UBR2: variants seen among roughly 807,000 people sequenced by gnomAD.
UBR2 encodes E3 ubiquitin-protein ligase UBR2.
In UBR2, 92 loss-of-function variants were observed where a neutral mutation model predicts 247.9. The ratio of observed to expected loss-of-function variants is 0.37; its 90% confidence interval spans 0.31 to 0.44. The LOEUF is 0.44. Ranked by LOEUF, UBR2 falls within the 20% of genes least tolerant of loss-of-function variation. The pLI, the probability that UBR2 is intolerant of heterozygous loss-of-function variation, is 1.00. For missense variants in UBR2, 1,613 were observed against 2,112.6 expected, an observed-to-expected ratio of 0.76 and a Z score of 4.64; for synonymous variants, 672 against 693.5, an observed-to-expected ratio of 0.97 and a Z score of 0.49.
chr6:42,593,916 C>T (rs1468648244), intron 3 of UBR2, among the ~76,000 whole-genome samples: 1 of 152,152 alleles, frequency 6.6e-6, no homozygotes, highest in Non-Finnish European at 1.5e-5. Context: ...CAAGAAAACC[C>T]TTGTGATCCT....
chr6:42,682,939 G>C, intron 42 of UBR2, 116 bp from the exon 43 acceptor site: 1 of 812,964 alleles, frequency 1.2e-6, no homozygotes, highest in Non-Finnish European at 1.9e-6. Context: ...TTTTGATGAA[G>C]TAAATATGTT....
At chr6:42,578,865 AG>A (rs1397511303) in intron 2 of UBR2, among the ~76,000 whole-genome samples, 9 of 152,130 alleles carry the variant, frequency 5.9e-5, no homozygotes, top group African/African-American at 2.2e-4. Context: ...CAGGAGGCTG[AG>A]GCAGGGGAAT....
At chr6:42,660,306 G>A (rs1020536511) in intron 30 of UBR2, among the ~76,000 whole-genome samples, 10 of 152,036 alleles carry the variant, frequency 6.6e-5, no homozygotes, top group Admixed American at 2.0e-4. Flanking sequence ...ACCACAGATC[G>A]GGTTCCCCAG....
chr6:42,601,185 G>T (rs1014254980), intron 4 of UBR2, among the ~76,000 whole-genome samples: 2 of 152,112 alleles, frequency 1.3e-5, no homozygotes, highest in African/African-American at 4.8e-5. Flanking sequence ...TGACTGTTTG[G>T]TGAGATAATA....
chr6:42,630,910 G>T (rs1030834951), intron 11 of UBR2, among the ~76,000 whole-genome samples: 4 of 151,968 alleles, frequency 2.6e-5, no homozygotes, highest in African/African-American at 9.7e-5. Flanking sequence ...AGGCTCAGGT[G>T]ATTTTCCCAC....
At chr6:42,621,143 G>A (rs1443217568) in intron 11 of UBR2, among the ~76,000 whole-genome samples, 3 of 152,022 alleles carry the variant, frequency 2.0e-5, no homozygotes, top group East Asian at 1.9e-4. Flanking sequence ...ATTCTCCCAC[G>A]TTTTCTAAAA....
intron 2 of UBR2, among the ~76,000 whole-genome samples, chr6:42,585,758 A>G (rs942155138): frequency 2.0e-5 from 3 of 152,226 alleles, no homozygotes; most frequent in African/African-American, 7.2e-5. Flanking sequence ...TGTGGTGTCT[A>G]TAATGATGTC....
chr6:42,574,980 G>A (rs561358833), intron 2 of UBR2, among the ~76,000 whole-genome samples: 1 of 152,314 alleles, frequency 6.6e-6, no homozygotes, highest in East Asian at 1.9e-4. Flanking sequence ...TTACAGGCAT[G>A]AGCCACTGTA....
intron 43 of UBR2, among the ~76,000 whole-genome samples, chr6:42,683,759 C>T (rs766211369): frequency 7.2e-5 from 11 of 152,186 alleles, no homozygotes; most frequent in Non-Finnish European, 1.6e-4. Context: ...AGATACTCAA[C>T]CTGGATTAAC....
intron 22 of UBR2, among the ~76,000 whole-genome samples, chr6:42,648,995 G>A (rs545011475): frequency 6.6e-6 from 1 of 152,156 alleles, no homozygotes; most frequent in African/African-American, 2.4e-5. Flanking sequence ...AATATACTTT[G>A]TCAGTACATA....
chr6:42,645,916 G>A (rs766597841), intron 21 of UBR2, among the ~76,000 whole-genome samples: 9 of 152,088 alleles, frequency 5.9e-5, no homozygotes, highest in Non-Finnish European at 8.8e-5. Context: ...CTATGGGTGT[G>A]GATAATGCTT....
At chr6:42,617,967 G>A (rs751083547) in intron 11 of UBR2, among the ~76,000 whole-genome samples, 6 of 152,152 alleles carry the variant, frequency 3.9e-5, no homozygotes, top group Non-Finnish European at 5.9e-5. Flanking sequence ...TGAGCTTCAC[G>A]AGTTGCCCAT....
chr6:42,645,674 AC>A, intron 21 of UBR2, 84 bp downstream of exon 21: 10 of 1,385,388 alleles, frequency 7.2e-6, no homozygotes, highest in Non-Finnish European at 9.0e-6. Context: ...ACTTCTGTAT[AC>A]CTTTCTCACA....
chr6:42,595,992 A>G (rs140942885), intron 4 of UBR2, among the ~76,000 whole-genome samples: 1 of 151,866 alleles, frequency 6.6e-6, no homozygotes, highest in East Asian at 1.9e-4. Context: ...ATGTAGAAAT[A>G]CAGGACAAAT....
chr6:42,676,700 A>G, intron 39 of UBR2, 83 bp from the exon 40 acceptor site: 1 of 1,070,090 alleles, frequency 9.3e-7, no homozygotes, highest in African/African-American at 1.6e-5. Flanking sequence ...GTTTATGAAT[A>G]TATTTGCATG....
Position 42,676,181 on chromosome 6 carries a change from C to A in UBR2, c.4377C>A (p.Thr1459=). The change falls in exon 39 of 47, where the codon ACC becomes ACA. Residue 1459 remains threonine (T), a synonymous_variant. Coordinates refer to ENST00000372901, the MANE Select transcript of UBR2 (RefSeq NM_001363705.2). ...CACACATCATACAGATCTTACTTAC[C>A]TCATGTACAGGTAACTCTTGCCTTT... is the stretch of plus-strand genomic sequence containing the variant. ...TMAHIIQILL[T]SCTEENGMDQ... 6.3e-7 allele frequency: 1 copy of A among 1,596,044 alleles called. No individual in the cohort carries two copies. The highest frequency in any genetic ancestry group is 1.3e-5 in the African/African-American group (1 of 74,130).
At chr6:42,570,845 A>T (rs1272438141) in intron 1 of UBR2, among the ~76,000 whole-genome samples, 1 of 151,792 alleles carries the variant, frequency 6.6e-6, no homozygotes, top group Non-Finnish European at 1.5e-5. Context: ...CACCATGCCC[A>T]GCTAATCTTC....
Position 42,648,160 on chromosome 6 carries a change from G to A in UBR2, c.2452G>A (p.Ala818Thr), listed in dbSNP as rs768378018. The change falls in exon 22 of 47, where the codon GCC (alanine) becomes ACC (threonine). Residue 818 changes from alanine to threonine, a missense_variant. This residue lies in a region of UBR2 where 1,524 missense variants were observed against 1,967.3 expected (regional missense o/e 0.77). Coordinates refer to ENST00000372901, the MANE Select transcript of UBR2 (RefSeq NM_001363705.2). Reference protein sequence around the residue: ...TGMESVIEAVAHFKKPGLTGR... With the variant: ...TGMESVIEAVTHFKKPGLTGR... ...CATGGAGAGTGTAATCGAAGCAGTTGCCCATTTCAAGTGAGTTTACTTCCT... is the reference window on the plus strand; with the variant it reads ...CATGGAGAGTGTAATCGAAGCAGTTACCCATTTCAAGTGAGTTTACTTCCT... The A allele has an allele frequency of 6.2e-7, 1 of 1,613,816 alleles. No homozygotes were observed. The highest frequency in any genetic ancestry group is 1.1e-5 in the South Asian group (1 of 91,080).
intron 1 of UBR2, among the ~76,000 whole-genome samples, chr6:42,569,597 A>G (rs1233090430): frequency 1.3e-5 from 2 of 152,120 alleles, no homozygotes; most frequent in Admixed American, 6.6e-5. Context: ...CTTAAACACT[A>G]TTGTTTTTAT....
Sources: gnomAD v4.1 joint callset for allele counts (sites outside exome capture counted in the v4.1 genomes callset) on GRCh38, gnomAD v4.1.1 for gene constraint, gnomAD v4.1.1 regional missense constraint, MANE v1.5 for transcripts, NCBI Gene and HGNC (gene_info 2026-07-23, HGNC 2026-07-21) for gene names.